The following GRIA3 variants were observed in gnomAD, a reference collection of about 807,000 sequenced individuals.
GRIA3 encodes the protein glutamate ionotropic receptor AMPA type subunit 3.
Under a neutral mutation model 63.0 loss-of-function variants are expected in GRIA3, and 3 were observed. The observed-to-expected ratio is 0.05, with a 90% CI of 0.02 to 0.12. The LOEUF is 0.12. Ranked by LOEUF, GRIA3 falls within the 10% of genes least tolerant of loss-of-function variation. The pLI is 1.00. For missense variants in GRIA3, 347 were observed against 700.9 expected, an observed-to-expected ratio of 0.50 and a Z score of 5.70; for synonymous variants, 274 against 257.9, an observed-to-expected ratio of 1.06 and a Z score of -0.60.
At chrX:123,450,321 A>G (rs112717591) in intron 12 of GRIA3, among the ~76,000 whole-genome samples, 4,543 of 112,230 alleles carry the variant, frequency 0.04, 230 homozygotes, top group African/African-American at 0.14. Context: ...ATATAAAATC[A>G]TGTCAAAACA....
chrX:123,323,368 GCTGT>G (rs1359640752), intron 3 of GRIA3, among the ~76,000 whole-genome samples: 2 of 109,887 alleles, frequency 1.8e-5, no homozygotes, highest in Non-Finnish European at 3.9e-5. Flanking sequence ...TATAGATTGA[GCTGT>G]CTTTTAAACA....
At chrX:123,356,954 A>C (rs1035691046) in intron 5 of GRIA3, among the ~76,000 whole-genome samples, 1 of 111,851 alleles carries the variant, frequency 8.9e-6, no homozygotes, top group Non-Finnish European at 1.9e-5. Flanking sequence ...TGAAAGATAA[A>C]AGGGAAAGGG....
chrX:123,331,322 T>C (rs1210981809), intron 4 of GRIA3, among the ~76,000 whole-genome samples: 1 of 112,152 alleles, frequency 8.9e-6, no homozygotes, highest in Non-Finnish European at 1.9e-5. Flanking sequence ...AAACCCCGGC[T>C]GTCACTTTGA....
Position 123,464,915 on chromosome X carries a change from G to A in GRIA3, c.2127G>A (p.Ala709=), listed in dbSNP as rs764605927. 14 of 1,204,814 alleles carry A rather than the reference G, an allele frequency of 1.2e-5. No individual in the cohort carries two copies. The highest frequency in any genetic ancestry group is 1.8e-5 in the South Asian group (1 of 56,698). Reference sequence around the variant, plus strand: ...AAATGTGGTCTTACATGAAATCAGCGGAGCCATCTGTGTTTACCAAAACAA... The same window carrying A: ...AAATGTGGTCTTACATGAAATCAGCAGAGCCATCTGTGTTTACCAAAACAA... ...YEKMWSYMKS[A]EPSVFTKTTA... Residue 709 remains alanine, a synonymous_variant, in exon 13 of 16, where the codon GCG becomes GCA. Transcript: ENST00000620443.
At chrX:123,243,418 C>T (rs1360677063) in intron 2 of GRIA3, among the ~76,000 whole-genome samples, 1 of 111,908 alleles carries the variant, frequency 8.9e-6, no homozygotes, top group Non-Finnish European at 1.9e-5. Flanking sequence ...CTCTTCCTCA[C>T]TGGCCATGTT....
chrX:123,351,388 T>A (rs371031805), intron 4 of GRIA3, among the ~76,000 whole-genome samples: 2 of 111,954 alleles, frequency 1.8e-5, no homozygotes, highest in Non-Finnish European at 3.8e-5. Flanking sequence ...GTAGCTCACA[T>A]CAGTAGGATC....
chrX:123,392,752 T>C (rs888243805), intron 5 of GRIA3, among the ~76,000 whole-genome samples: 4 of 112,576 alleles, frequency 3.6e-5, no homozygotes, highest in African/African-American at 1.3e-4. Context: ...AGGAAATATA[T>C]TCAAAGTGTG....
chrX:123,409,546 C>T (rs932832268), intron 10 of GRIA3, among the ~76,000 whole-genome samples: 1 of 111,639 alleles, frequency 9.0e-6, no homozygotes. Context: ...AACTGTCCAC[C>T]TGCTTTTAGC....
At chrX:123,331,508 G>T (rs979296036) in intron 4 of GRIA3, among the ~76,000 whole-genome samples, 1 of 111,302 alleles carries the variant, frequency 9.0e-6, no homozygotes, top group African/African-American at 3.3e-5. Flanking sequence ...GCCTACAGCT[G>T]GACCTAGGAC....
intron 12 of GRIA3, among the ~76,000 whole-genome samples, chrX:123,437,303 A>T (rs1354912891): frequency 1.8e-5 from 2 of 110,853 alleles, no homozygotes; most frequent in Non-Finnish European, 3.8e-5. Context: ...CACATAAAAA[A>T]TAGATGTATA....
At chrX:123,207,707 A>G (rs1927929222) in intron 2 of GRIA3, among the ~76,000 whole-genome samples, 1 of 111,943 alleles carries the variant, frequency 8.9e-6, no homozygotes, top group African/African-American at 3.2e-5. Flanking sequence ...GATTAAGGTG[A>G]GCCAGGTAAA....
chrX:123,345,682 A>T (rs2045044317), intron 4 of GRIA3, among the ~76,000 whole-genome samples: 1 of 110,248 alleles, frequency 9.1e-6, no homozygotes, highest in Admixed American at 9.7e-5. Flanking sequence ...TACAAACCTC[A>T]ACTCCTTCCC....
chrX:123,352,710 G>A (rs1386679319), intron 4 of GRIA3, among the ~76,000 whole-genome samples: 1 of 111,359 alleles, frequency 9.0e-6, no homozygotes, highest in Non-Finnish European at 1.9e-5. Flanking sequence ...TTTTCTAGCA[G>A]AACTCAAAAC....
intron 5 of GRIA3, among the ~76,000 whole-genome samples, chrX:123,365,127 T>C (rs1485549698): frequency 1.8e-5 from 2 of 112,056 alleles, no homozygotes; most frequent in African/African-American, 6.5e-5. Context: ...TAAAAAATTG[T>C]AGGTAAGCAA....
At chrX:123,346,722 G>A (rs2045052149) in intron 4 of GRIA3, among the ~76,000 whole-genome samples, 1 of 112,035 alleles carries the variant, frequency 8.9e-6, no homozygotes, top group Non-Finnish European at 1.9e-5. Context: ...ATAATTGTCT[G>A]TTAACTTGGC....
At chrX:123,268,318 T>C (rs2044499967) in intron 3 of GRIA3, among the ~76,000 whole-genome samples, 1 of 110,835 alleles carries the variant, frequency 9.0e-6, no homozygotes, top group Non-Finnish European at 1.9e-5. Context: ...CTTTTTCTCT[T>C]GGAAAGCTCT....
intron 3 of GRIA3, among the ~76,000 whole-genome samples, chrX:123,272,038 G>GA (rs1007808252): frequency 9.8e-5 from 11 of 111,949 alleles, no homozygotes; most frequent in African/African-American, 3.6e-4. Flanking sequence ...CCAAAGCCAT[G>GA]AATGTGCAAA....
Position 123,402,982 on chromosome X carries a change from C to T in GRIA3, c.1081-12C>T. The T allele has an allele frequency of 9.9e-7, 1 of 1,008,557 alleles. No individual in the cohort carries two copies. Among genetic ancestry groups the T allele is most frequent in the Non-Finnish European group, 1.4e-6 (1 of 713,283 alleles). The allele number at this position is 1,008,557 out of a possible 1,213,427, so 83.1% of individuals were successfully genotyped here. On this transcript the variant is annotated splice_polypyrimidine_tract_variant and intron_variant, in intron 7 of 15. Coordinates refer to ENST00000620443, the MANE Select transcript of GRIA3 (RefSeq NM_007325.5). ...TGCTATTTTTAAATTTTAAATTTTC[C>T]CTTTCTACCAGGTGCAAGTACAAGG...
chrX:123,185,405 G>C (rs1927236444), intron 1 of GRIA3, among the ~76,000 whole-genome samples: 1 of 108,558 alleles, frequency 9.2e-6, no homozygotes, highest in Non-Finnish European at 1.9e-5. Flanking sequence ...GGTGGCTATG[G>C]GGAACGGGTT....
Sources: gnomAD v4.1 joint callset for allele counts (sites outside exome capture counted in the v4.1 genomes callset) on GRCh38, gnomAD v4.1.1 for gene constraint, MANE v1.5 for transcripts, NCBI Gene and HGNC (gene_info 2026-07-23, HGNC 2026-07-21) for gene names.